The following FHIT variants were observed in gnomAD, a reference collection of about 807,000 sequenced individuals.
FHIT encodes fragile histidine triad diadenosine triphosphatase.
A neutral mutation model predicts 17.9 loss-of-function variants in FHIT; 19 were observed. The ratio of observed to expected loss-of-function variants is 1.06; its 90% CI spans 0.74 to 1.56. The LOEUF is 1.56. Among genes scored for constraint, FHIT ranks in the 40% most tolerant of loss-of-function variants. The pLI, the probability that FHIT is intolerant of heterozygous loss-of-function variation, is 0.00. For synonymous variants in FHIT, 81 were observed against 69.7 expected, an observed-to-expected ratio of 1.16 and a Z score of -0.81; for missense variants, 248 against 189.2, an observed-to-expected ratio of 1.31 and a Z score of -1.82.
intron 8 of FHIT, among the ~76,000 whole-genome samples, chr3:59,806,725 C>CAT (rs145861825): frequency 0.12 from 1,761 of 14,962 alleles, 33 homozygotes; most frequent in African/African-American, 0.28. Flanking sequence ...TATGTATATA[C>CAT]ATATATATGT....
chr3:60,140,628 T>C (rs1700003140), intron 5 of FHIT, among the ~76,000 whole-genome samples: 3 of 149,828 alleles, frequency 2.0e-5, no homozygotes, highest in African/African-American at 7.4e-5. Context: ...GTCCAGGCTG[T>C]AGTGCAATGG....
intron 3 of FHIT, among the ~76,000 whole-genome samples, chr3:60,892,082 T>A (rs562906161): frequency 4.6e-5 from 7 of 152,318 alleles, no homozygotes; most frequent in African/African-American, 1.7e-4. Flanking sequence ...GTTCAAATCA[T>A]CAATAGTCCA....
chr3:61,153,954 A>G (rs2037463968), intron 2 of FHIT, among the ~76,000 whole-genome samples: 1 of 152,226 alleles, frequency 6.6e-6, no homozygotes. Context: ...GGGAAAAAAC[A>G]CAGTTTGCAA....
rs201797361 is a variant in FHIT, at chr3:61,059,372, CTTT to C, written c.-163-17276_-163-17274del. Among the ~76,000 whole-genome samples the C allele has an allele frequency of 8.5e-3, 962 of 113,216 alleles. 4 individuals carry two copies. Among genetic ancestry groups the C allele is most frequent in the African/African-American group, 0.029 (876 of 30,192 alleles). The allele number at this position is 113,216 out of a possible 152,430, so 74.3% of individuals were successfully genotyped here. On this transcript the variant is annotated intron_variant, in intron 2 of 9. Transcript: ENST00000492590. ...TGTGGCTTTTTTTCTTTGCTTTTTC[CTTT>C]TTTTTTTTTTTTTTTTTTTTGCCAG...
chr3:60,377,639 G>A (rs1426965254), intron 5 of FHIT, among the ~76,000 whole-genome samples: 5 of 147,460 alleles, frequency 3.4e-5, no homozygotes, highest in Non-Finnish European at 6.0e-5. Flanking sequence ...CCGCCACCGC[G>A]CCCGGCTAAT....
chr3:61,214,837 G>A (rs570144798), intron 1 of FHIT, among the ~76,000 whole-genome samples: 2 of 152,212 alleles, frequency 1.3e-5, no homozygotes, highest in Non-Finnish European at 2.9e-5. Context: ...TCCCTGGGAT[G>A]CAAGGCTGGT....
intron 5 of FHIT, among the ~76,000 whole-genome samples, chr3:60,115,333 T>G (rs1000085780): frequency 6.6e-6 from 1 of 152,172 alleles, no homozygotes; most frequent in African/African-American, 2.4e-5. Flanking sequence ...AAATCCTTTA[T>G]TAGAAAACTA....
chr3:61,088,765 T>G (rs562797922), intron 2 of FHIT, among the ~76,000 whole-genome samples: 1 of 75,828 alleles, frequency 1.3e-5, no homozygotes, highest in East Asian at 2.0e-4. Flanking sequence ...TGACCCAAAA[T>G]GCTGGGAAGA....
At chr3:59,960,287 G>C (rs1209055035) in intron 7 of FHIT, among the ~76,000 whole-genome samples, 1 of 152,230 alleles carries the variant, frequency 6.6e-6, no homozygotes, top group East Asian at 1.9e-4. Flanking sequence ...GATGGTGGTA[G>C]AGATGAGCAG....
At chr3:60,256,273 T>C (rs766704905) in intron 5 of FHIT, among the ~76,000 whole-genome samples, 5 of 152,210 alleles carry the variant, frequency 3.3e-5, no homozygotes, top group African/African-American at 4.8e-5. Context: ...TTTAATTTCA[T>C]TGCAGCATTG....
intron 7 of FHIT, among the ~76,000 whole-genome samples, chr3:59,948,249 A>G (rs2107295848): frequency 6.6e-6 from 1 of 152,048 alleles, no homozygotes; most frequent in South Asian, 2.1e-4. Flanking sequence ...TCACACATGT[A>G]ATCCCAGCAC....
chr3:60,390,562 C>T (rs1302053752), intron 5 of FHIT, among the ~76,000 whole-genome samples: 2 of 151,892 alleles, frequency 1.3e-5, no homozygotes, highest in African/African-American at 2.4e-5. Flanking sequence ...CAGAAGAAGG[C>T]GTTGTTATCA....
At chr3:60,260,661 G>A (rs191117544) in intron 5 of FHIT, among the ~76,000 whole-genome samples, 60 of 152,002 alleles carry the variant, frequency 3.9e-4, no homozygotes, top group African/African-American at 9.9e-4. Context: ...CTTGAATAGC[G>A]GCTGGGTAAA....
chr3:59,757,343 G>C (rs1701269549), intron 8 of FHIT, among the ~76,000 whole-genome samples: 1 of 152,190 alleles, frequency 6.6e-6, no homozygotes, highest in African/African-American at 2.4e-5. Flanking sequence ...TCTATCTTCA[G>C]TCATCCCACT....
In FHIT at chr3:61,251,394, G is replaced by A. The variant is rs1388782636; in HGVS notation, c.-306C>T. The A allele has an allele frequency of 6.5e-6, 1 of 152,682 alleles. No homozygotes were observed. The allele number at this position is 152,682 out of a possible 1,614,324, so 9.5% of individuals were successfully genotyped here. A position where few individuals can be genotyped will look rare whatever the true frequency, so the allele number is the denominator to read the frequency against. ...GAGTGTGCCCACTGGGTGGCCGCCT[G>A]AGGGACCCGGGAACAGAGGGCAAAA... On this transcript the variant is annotated 5_prime_UTR_variant, in exon 1 of 10. Transcript: ENST00000492590.
chr3:60,492,430 A>C (rs2034105610), intron 5 of FHIT, among the ~76,000 whole-genome samples: 1 of 152,176 alleles, frequency 6.6e-6, no homozygotes, highest in African/African-American at 2.4e-5. Context: ...CTAGGTCATA[A>C]ATACTTCTTA....
intron 2 of FHIT, among the ~76,000 whole-genome samples, chr3:61,171,982 G>A (rs2038018456): frequency 6.6e-6 from 1 of 152,160 alleles, no homozygotes; most frequent in South Asian, 2.1e-4. Flanking sequence ...GATAGAGATG[G>A]ACGGGGGAAA....
chr3:60,857,028 C>T (rs1383464566), intron 3 of FHIT, among the ~76,000 whole-genome samples: 4 of 152,114 alleles, frequency 2.6e-5, no homozygotes, highest in Admixed American at 1.3e-4. Context: ...ACTCATCACA[C>T]TTGTGATTGA....
intron 5 of FHIT, among the ~76,000 whole-genome samples, chr3:60,521,525 GCA>G (rs1280537071): frequency 1.3e-5 from 2 of 152,126 alleles, no homozygotes; most frequent in African/African-American, 4.8e-5. Flanking sequence ...GGGATTACAG[GCA>G]TGAGCCACTG....
Sources: allele counts gnomAD v4.1 joint callset (sites outside exome capture counted in the v4.1 genomes callset), GRCh38; gene constraint gnomAD v4.1.1; transcripts MANE v1.5; gene names NCBI Gene and HGNC (gene_info 2026-07-23, HGNC 2026-07-21).